Variants in ARMC7 observed in about 807,000 individuals in gnomAD.
ARMC7 encodes armadillo repeat containing 7.
Under a neutral mutation model 14.8 loss-of-function variants are expected in ARMC7, and 9 were observed. The ratio of observed to expected loss-of-function variants is 0.61; its 90% CI spans 0.37 to 1.06. The LOEUF is 1.06. Among genes scored for constraint, ARMC7 ranks in the 50% least tolerant of loss-of-function variants. The probability of loss-of-function intolerance (pLI) is 0.01; values close to 1 mark genes in which losing one functional copy is unlikely to be tolerated. For missense variants in ARMC7, 262 were observed against 267.1 expected (o/e 0.98, Z 0.13); for synonymous variants, 125 against 123.4 (o/e 1.01, Z -0.09).
rs1394068544 is a variant in ARMC7, at chr17:75,110,009, C to G, written c.-280C>G. On this transcript the variant is annotated 5_prime_UTR_variant, in exon 1 of 3. Transcript: ENST00000245543. Reference sequence around the variant, plus strand: ...AGCCGGGGACGGTGCGCCAGTGCCCCCTCCGCGAGCCCCAACCAGTAGACG... The same window carrying G: ...AGCCGGGGACGGTGCGCCAGTGCCCGCTCCGCGAGCCCCAACCAGTAGACG... 2.1e-5 allele frequency: 8 copies of G among 380,338 alleles called. No individual in the cohort carries two copies. The highest frequency in any genetic ancestry group is 4.4e-5 in the Admixed American group (1 of 22,778). The allele number at this position is 380,338 out of a possible 1,614,324, so 23.6% of individuals were successfully genotyped here.
chr17:75,120,778 C>T (rs895280605), intron 2 of ARMC7, among the ~76,000 whole-genome samples: 13 of 144,112 alleles, frequency 9.0e-5, no homozygotes, highest in African/African-American at 3.3e-4. Context: ...CGCACCACTG[C>T]ACTCCAGCCT....
At chr17:75,123,685 G>A (rs917703539) in intron 2 of ARMC7, among the ~76,000 whole-genome samples, 1 of 152,102 alleles carries the variant, frequency 6.6e-6, no homozygotes, top group Non-Finnish European at 1.5e-5. Context: ...ACTTTGGGAG[G>A]CCAAGGCATG....
chr17:75,123,982 G>A (rs1178738926), intron 2 of ARMC7, among the ~76,000 whole-genome samples: 1 of 152,178 alleles, frequency 6.6e-6, no homozygotes, highest in East Asian at 1.9e-4. Flanking sequence ...CTATTACCAA[G>A]CATTCTAGGA....
At chr17:75,113,389 C>T (rs2073945501) in intron 2 of ARMC7, among the ~76,000 whole-genome samples, 1 of 150,532 alleles carries the variant, frequency 6.6e-6, no homozygotes, top group Non-Finnish European at 1.5e-5. Flanking sequence ...GAGTCTTGCT[C>T]TGTCGCCCAG....
chr17:75,118,359 A>G lies in ARMC7; in HGVS notation c.235+7753A>G, dbSNP rs1041315124. On this transcript the variant is annotated intron_variant, in intron 2 of 2. Transcript: ENST00000245543. Reference sequence around the variant, plus strand: ...CTAGAGAAGCCCCTGCTCTCTCTCCATGTCAGCCAGGGCTTCAGTCTGGCC... The same window carrying G: ...CTAGAGAAGCCCCTGCTCTCTCTCCGTGTCAGCCAGGGCTTCAGTCTGGCC... Among the ~76,000 whole-genome samples the G allele has an allele frequency of 2.0e-5, 3 of 152,016 alleles. No homozygotes were observed. The South Asian group carries it at 6.2e-4, about 32-fold the overall frequency.
At chr17:75,120,480 C>T (rs924028689) in intron 2 of ARMC7, among the ~76,000 whole-genome samples, 16 of 152,044 alleles carry the variant, frequency 1.1e-4, no homozygotes, top group African/African-American at 3.9e-4. Flanking sequence ...ATCAGGAAGT[C>T]GGAACTTGTT....
At chr17:75,113,664 TATG>T (rs1240785129) in intron 2 of ARMC7, among the ~76,000 whole-genome samples, 1 of 152,158 alleles carries the variant, frequency 6.6e-6, no homozygotes, top group Non-Finnish European at 1.5e-5. Context: ...AAAAATACAT[TATG>T]ATAAGTGTGA....
intron 2 of ARMC7, among the ~76,000 whole-genome samples, chr17:75,126,965 G>A (rs1031036134): frequency 1.3e-5 from 2 of 151,542 alleles, no homozygotes; most frequent in Admixed American, 1.3e-4. Flanking sequence ...GGGAGGCTGA[G>A]GCAGGAGAAT....
At chr17:75,121,949 G>A (rs973218407) in intron 2 of ARMC7, among the ~76,000 whole-genome samples, 4 of 152,158 alleles carry the variant, frequency 2.6e-5, no homozygotes, top group African/African-American at 9.7e-5. Flanking sequence ...TGGATAGTCA[G>A]TGAATGTTTT....
Position 75,128,879 on chromosome 17 carries a change from T to G in ARMC7, c.438T>G (p.Leu146=), listed in dbSNP as rs200128989. The change falls in exon 3 of 3, where the codon CTT becomes CTG. Residue 146 remains leucine, a synonymous_variant. Transcript: ENST00000245543. ...LTATPVVQCM[L]RFSLSASARL... Reference sequence around the variant, plus strand: ...CCACGCCCGTGGTGCAGTGCATGCTTCGCTTCTCCCTCTCGGCCAGCGCCA... The same window carrying G: ...CCACGCCCGTGGTGCAGTGCATGCTGCGCTTCTCCCTCTCGGCCAGCGCCA... The G allele has an allele frequency of 1.8e-3, 2,968 of 1,612,118 alleles. 44 individuals carry two copies. In the South Asian group the frequency reaches 0.019, roughly 11 times the overall value.
intron 2 of ARMC7, among the ~76,000 whole-genome samples, chr17:75,112,190 A>T (rs2073929030): frequency 6.6e-6 from 1 of 152,178 alleles, no homozygotes; most frequent in South Asian, 2.1e-4. Context: ...AATGGCACAA[A>T]AAGAGTTTAG....
At chr17:75,122,897 TA>T (rs1002471024) in intron 2 of ARMC7, among the ~76,000 whole-genome samples, 1 of 151,908 alleles carries the variant, frequency 6.6e-6, no homozygotes, top group African/African-American at 2.4e-5. Context: ...GGGGGCAGGT[TA>T]GGTGCTCACA....
chr17:75,122,047 C>T (rs1451724733), intron 2 of ARMC7, among the ~76,000 whole-genome samples: 1 of 151,992 alleles, frequency 6.6e-6, no homozygotes, highest in East Asian at 2.0e-4. Flanking sequence ...AAAAGAATAA[C>T]ATCTGGCCAG....
chr17:75,126,058 A>G (rs1004371461), intron 2 of ARMC7, among the ~76,000 whole-genome samples: 2 of 152,020 alleles, frequency 1.3e-5, no homozygotes, highest in African/African-American at 4.8e-5. Context: ...TTCCAGAAAA[A>G]CAGGGGAAGT....
intron 2 of ARMC7, among the ~76,000 whole-genome samples, chr17:75,118,800 A>G (rs1000386360): frequency 6.6e-6 from 1 of 152,306 alleles, no homozygotes; most frequent in South Asian, 2.1e-4. Context: ...CAGCCTGTCC[A>G]CAAGGCCTCT....
intron 2 of ARMC7, among the ~76,000 whole-genome samples, chr17:75,121,356 G>A (rs907825833): frequency 6.6e-6 from 1 of 152,128 alleles, no homozygotes; most frequent in Admixed American, 6.6e-5. Context: ...CACTTTCCAC[G>A]TAGTTACACC....
rs1482191326 is a variant in ARMC7 at position 75,128,012 on chromosome 17, A to G, written c.236-665A>G. Among the ~76,000 whole-genome samples the G allele has an allele frequency of 3.3e-5, 5 of 152,294 alleles. No homozygotes were observed. In the South Asian group the frequency reaches 8.3e-4, roughly 25 times the overall value. ...TATATACCCATGAAACCATCATCTT[A>G]TATTTTTATAACTTTTATAAACTGT... On this transcript the variant is annotated intron_variant, in intron 2 of 2. Transcript: ENST00000245543.
In ARMC7 at chr17:75,129,829, C is replaced by G. The variant is rs1459817443; in HGVS notation, c.*791C>G. The G allele has an allele frequency of 6.6e-6, 1 of 152,592 alleles. No individual in the cohort carries two copies. Among genetic ancestry groups the G allele is most frequent in the African/African-American group, 2.4e-5 (1 of 41,440 alleles). The allele number at this position is 152,592 out of a possible 1,614,324, so 9.5% of individuals were successfully genotyped here. On this transcript the variant is annotated 3_prime_UTR_variant, in exon 3 of 3. Transcript: ENST00000245543. ...GGCCCCGGCTGAAAGCTTCGGCCCT[C>G]CTCTGCTGTCACTCAATGATGGGGA...
intron 2 of ARMC7, among the ~76,000 whole-genome samples, chr17:75,124,951 C>T (rs371110141): frequency 1.1e-4 from 16 of 152,310 alleles, no homozygotes; most frequent in Non-Finnish European, 8.8e-5. Flanking sequence ...AAAAGGCAGC[C>T]TACAGAATGC....
Sources: allele counts gnomAD v4.1 joint callset (sites outside exome capture counted in the v4.1 genomes callset), GRCh38; gene constraint gnomAD v4.1.1; transcripts MANE v1.5; gene names NCBI Gene and HGNC (gene_info 2026-07-23, HGNC 2026-07-21).